The following NCKAP5 variants were observed in gnomAD, a reference collection of about 807,000 sequenced individuals.
NCKAP5 encodes the protein NCK associated protein 5, also known as nck-associated protein 5.
Under a neutral mutation model 167.0 loss-of-function variants are expected in NCKAP5, and 92 were observed. That is an observed-to-expected ratio of 0.55 (90% CI 0.47 to 0.66). The LOEUF (loss-of-function observed/expected upper bound fraction) is 0.66. NCKAP5 is among the 30% of genes least tolerant of loss of function. The pLI, the probability that NCKAP5 is intolerant of heterozygous loss-of-function variation, is 0.00. For missense variants in NCKAP5, 2,378 were observed against 2,315.0 expected (o/e 1.03, Z -0.56); for synonymous variants, 891 against 877.4 (o/e 1.02, Z -0.27).
intron 8 of NCKAP5, among the ~76,000 whole-genome samples, chr2:132,939,275 G>A (rs1697099024): frequency 6.6e-6 from 1 of 152,094 alleles, no homozygotes; most frequent in Admixed American, 6.5e-5. Flanking sequence ...TAGAAGCCTG[G>A]GCCAGGCATT....
At chr2:132,904,826 C>T (rs1248540499) in intron 8 of NCKAP5, among the ~76,000 whole-genome samples, 6 of 152,144 alleles carry the variant, frequency 3.9e-5, no homozygotes, top group African/African-American at 9.7e-5. Context: ...GCCAAGCTTC[C>T]TGTCACAATG....
intron 6 of NCKAP5, among the ~76,000 whole-genome samples, chr2:133,028,534 C>T (rs939861096): frequency 6.6e-6 from 1 of 152,126 alleles, no homozygotes; most frequent in African/African-American, 2.4e-5. Context: ...AATTTAGAAA[C>T]CTTATAACCA....
At chr2:133,473,115 T>A (rs1211943120) in intron 3 of NCKAP5, among the ~76,000 whole-genome samples, 1 of 152,038 alleles carries the variant, frequency 6.6e-6, no homozygotes, top group African/African-American at 2.4e-5. Context: ...GGGTGGATCA[T>A]GAGGTCAGGA....
intron 3 of NCKAP5, among the ~76,000 whole-genome samples, chr2:133,326,208 C>A (rs1682428575): frequency 1.3e-5 from 2 of 152,176 alleles, no homozygotes; most frequent in Non-Finnish European, 2.9e-5. Flanking sequence ...GTAATCCCAG[C>A]ACTTTGGGAG....
chr2:133,559,111 G>A lies in NCKAP5; in HGVS notation c.-123C>T, dbSNP rs973698448. 5.9e-5 allele frequency: 9 copies of A among 151,972 alleles called. No individual in the cohort carries two copies. The highest frequency in any genetic ancestry group is 1.4e-4 in the African/African-American group (6 of 41,384). The allele number at this position is 151,972 out of a possible 1,614,324, so 9.4% of individuals were successfully genotyped here. A position where few individuals can be genotyped will look rare whatever the true frequency, so the allele number is the denominator to read the frequency against. On this transcript the variant is annotated 5_prime_UTR_variant, in exon 2 of 20. Coordinates refer to ENST00000409261, the MANE Select transcript of NCKAP5 (RefSeq NM_207363.3). The stretch of plus-strand genomic sequence containing the variant: ...GTAGCTTATCTCATTTATTCTTCAC[G>A]ATGAACCTGTAAGAAGGTAATATAA...
At chr2:133,207,277 C>A (rs2085994242) in intron 5 of NCKAP5, among the ~76,000 whole-genome samples, 1 of 152,134 alleles carries the variant, frequency 6.6e-6, no homozygotes, top group South Asian at 2.1e-4. Flanking sequence ...CTTTATTTCT[C>A]AGACCAACTG....
intron 8 of NCKAP5, among the ~76,000 whole-genome samples, chr2:132,960,384 G>A (rs1259229311): frequency 5.9e-5 from 9 of 152,122 alleles, no homozygotes; most frequent in East Asian, 3.9e-4. Flanking sequence ...GTTCTAAGGC[G>A]GGATCTGGGA....
chr2:133,180,750 A>G (rs1026662122), intron 5 of NCKAP5, among the ~76,000 whole-genome samples: 2 of 152,212 alleles, frequency 1.3e-5, no homozygotes, highest in Admixed American at 1.3e-4. Flanking sequence ...CTCCTAGAAG[A>G]AAATATAGGG....
intron 13 of NCKAP5, among the ~76,000 whole-genome samples, chr2:132,787,396 A>G (rs1683675387): frequency 6.6e-6 from 1 of 151,750 alleles, no homozygotes; most frequent in East Asian, 1.9e-4. Context: ...AAGAGCTTCA[A>G]GAGAAGGCTC....
intron 6 of NCKAP5, among the ~76,000 whole-genome samples, chr2:133,054,441 C>T (rs2079721230): frequency 6.6e-6 from 1 of 152,170 alleles, no homozygotes; most frequent in African/African-American, 2.4e-5. Context: ...GACAAACATT[C>T]CTGCTGGGCC....
intron 3 of NCKAP5, among the ~76,000 whole-genome samples, chr2:133,386,392 A>G (rs1304911706): frequency 6.6e-6 from 1 of 152,144 alleles, no homozygotes; most frequent in Admixed American, 6.5e-5. Flanking sequence ...TTCTAGTTTG[A>G]TTGCACTGTG....
chr2:132,813,524 C>G (rs930361708), intron 11 of NCKAP5, among the ~76,000 whole-genome samples: 2 of 152,072 alleles, frequency 1.3e-5, no homozygotes, highest in Admixed American at 1.3e-4. Flanking sequence ...CAGTCTAGGG[C>G]CCTCAATTAT....
intron 5 of NCKAP5, among the ~76,000 whole-genome samples, chr2:133,159,783 C>T (rs992436284): frequency 9.2e-5 from 14 of 152,044 alleles, no homozygotes; most frequent in African/African-American, 2.2e-4. Flanking sequence ...ATGACAGTGA[C>T]AGGCACAAGC....
chr2:133,455,543 T>C (rs1020159395), intron 3 of NCKAP5, among the ~76,000 whole-genome samples: 11 of 152,132 alleles, frequency 7.2e-5, no homozygotes, highest in Admixed American at 2.0e-4. Flanking sequence ...TCATTCTCCA[T>C]TGGGTCCAAT....
intron 3 of NCKAP5, among the ~76,000 whole-genome samples, chr2:133,401,717 TA>T (rs1688111048): frequency 6.6e-6 from 1 of 152,092 alleles, no homozygotes; most frequent in South Asian, 2.1e-4. Context: ...CTACCATAAT[TA>T]AAAAAAGGAT....
intron 3 of NCKAP5, among the ~76,000 whole-genome samples, chr2:133,393,321 A>T (rs1239732620): frequency 6.6e-6 from 1 of 152,150 alleles, no homozygotes; most frequent in African/African-American, 2.4e-5. Flanking sequence ...AGTTGTTTGA[A>T]CTTTAGTTGA....
chr2:133,315,800 T>A (rs989851935), intron 3 of NCKAP5, among the ~76,000 whole-genome samples: 2 of 152,144 alleles, frequency 1.3e-5, no homozygotes, highest in African/African-American at 4.8e-5. Context: ...AAAAACAGTT[T>A]CAGTGGAGGA....
chr2:133,509,399 C>G (rs1388085199), intron 3 of NCKAP5, among the ~76,000 whole-genome samples: 1 of 152,148 alleles, frequency 6.6e-6, no homozygotes, highest in African/African-American at 2.4e-5. Context: ...TTGGGCAAAC[C>G]TGAAGAGCAG....
At chr2:133,382,710 G>GA (rs1256190017) in intron 3 of NCKAP5, among the ~76,000 whole-genome samples, 1 of 152,156 alleles carries the variant, frequency 6.6e-6, no homozygotes, top group African/African-American at 2.4e-5. Flanking sequence ...ACTCTCTCAT[G>GA]AATAAGCATT....
Sources: gnomAD v4.1 joint callset for allele counts (sites outside exome capture counted in the v4.1 genomes callset) on GRCh38, gnomAD v4.1.1 for gene constraint, MANE v1.5 for transcripts, NCBI Gene and HGNC (gene_info 2026-07-23, HGNC 2026-07-21) for gene names.